PRPSAP2: variants seen among roughly 807,000 people sequenced by gnomAD.
The protein encoded by PRPSAP2 is phosphoribosyl pyrophosphate synthase-associated protein 2.
In PRPSAP2, 24 loss-of-function variants were observed where a neutral mutation model predicts 40.6. The observed-to-expected ratio is 0.59, with a 90% CI of 0.43 to 0.83. The LOEUF is 0.83. Ranked by LOEUF, PRPSAP2 falls within the 40% of genes least tolerant of loss-of-function variation. The pLI is 0.00. For missense variants in PRPSAP2, 292 were observed against 465.6 expected, an observed-to-expected ratio of 0.63 and a Z score of 3.43; for synonymous variants, 149 against 164.7, an observed-to-expected ratio of 0.90 and a Z score of 0.73.
At chr17:18,862,179 C>T (rs908180914) in intron 1 of PRPSAP2, among the ~76,000 whole-genome samples, 5 of 152,242 alleles carry the variant, frequency 3.3e-5, no homozygotes, top group African/African-American at 9.6e-5. Context: ...TGAGCCACGG[C>T]GCCTGGCCAC....
intron 8 of PRPSAP2, among the ~76,000 whole-genome samples, chr17:18,896,524 A>T (rs2039912011): frequency 6.7e-6 from 1 of 149,956 alleles, no homozygotes; most frequent in African/African-American, 2.5e-5. Context: ...CATGTTCTTT[A>T]CATGCAGGAA....
At chr17:18,908,747 A>G in intron 8 of PRPSAP2, 1 of 725,730 alleles carries the variant, frequency 1.4e-6, no homozygotes, top group Non-Finnish European at 2.5e-6. Flanking sequence ...TGCAAGAAAG[A>G]GATCGGAGAG....
intron 5 of PRPSAP2, 82 bp downstream of exon 5, chr17:18,872,731 AAG>A: frequency 1.8e-6 from 2 of 1,138,034 alleles, no homozygotes; most frequent in Non-Finnish European, 2.6e-6. Flanking sequence ...GCTAGCCAGG[AAG>A]AGTTATAATA....
At chr17:18,907,215 A>G (rs986768417) in intron 8 of PRPSAP2, among the ~76,000 whole-genome samples, 1 of 152,138 alleles carries the variant, frequency 6.6e-6, no homozygotes, top group African/African-American at 2.4e-5. Context: ...GAGGATGGAA[A>G]AAAGAGTAAG....
intron 4 of PRPSAP2, among the ~76,000 whole-genome samples, chr17:18,868,473 T>C (rs1441248686): frequency 2.0e-5 from 3 of 150,930 alleles, no homozygotes; most frequent in Admixed American, 6.6e-5. Flanking sequence ...AGCGAGACTT[T>C]GTCTCAGGGG....
At chr17:18,881,682 T>G (rs1324381889) in intron 6 of PRPSAP2, among the ~76,000 whole-genome samples, 1 of 149,382 alleles carries the variant, frequency 6.7e-6, no homozygotes, top group African/African-American at 2.5e-5. Flanking sequence ...GGACTACAGA[T>G]GTGCGCCACC....
rs1395127064 is a variant in PRPSAP2 at position 18,865,798 on chromosome 17, C to A, written c.-32-4C>A. ...AGTTTTTAATAAGTATTATATCCTTCTAGGCTCTGAAAATTGGAAAACCAA... is the reference window on the plus strand; with the variant it reads ...AGTTTTTAATAAGTATTATATCCTTATAGGCTCTGAAAATTGGAAAACCAA... On this transcript the variant is annotated splice_polypyrimidine_tract_variant and splice_region_variant and intron_variant, in intron 2 of 11. Transcript: ENST00000268835. 3 of 1,435,788 alleles carry A rather than the reference C, an allele frequency of 2.1e-6. No homozygotes were observed. Among genetic ancestry groups the A allele is most frequent in the South Asian group, 1.6e-5 (1 of 60,944 alleles). 88.9% of individuals were successfully genotyped at this position (1,435,788 alleles called of 1,614,324 possible).
intron 8 of PRPSAP2, among the ~76,000 whole-genome samples, chr17:18,890,224 C>T (rs1174808913): frequency 6.6e-6 from 1 of 151,862 alleles, no homozygotes. Context: ...AGCTGGAGTG[C>T]AGTGGCGCGA....
intron 6 of PRPSAP2, among the ~76,000 whole-genome samples, chr17:18,879,287 T>C (rs559581080): frequency 6.6e-6 from 1 of 151,904 alleles, no homozygotes; most frequent in South Asian, 2.1e-4. Context: ...TAAACCTTTT[T>C]TTTTGTTTGT....
rs1367199556 is a variant in PRPSAP2, at chr17:18,924,081, C to G, written c.804+97C>G. Reference sequence around the variant, plus strand: ...TTTTATTACAGAGACTCACTGTCGCCCAGGCTGGAGTGCAGTGGCACAATC... The same window carrying G: ...TTTTATTACAGAGACTCACTGTCGCGCAGGCTGGAGTGCAGTGGCACAATC... On this transcript the variant is annotated intron_variant, in intron 10 of 11. Transcript: ENST00000268835. The G allele has an allele frequency of 6.3e-6, 8 of 1,268,652 alleles. 1 individual carries two copies. The East Asian group carries it at 2.0e-4, about 31-fold the overall frequency. The allele number at this position is 1,268,652 out of a possible 1,614,324, so 78.6% of individuals were successfully genotyped here.
intron 1 of PRPSAP2, among the ~76,000 whole-genome samples, chr17:18,858,894 C>G (rs547940868): frequency 2.6e-5 from 4 of 152,166 alleles, no homozygotes; most frequent in South Asian, 2.1e-4. Context: ...TTTAATTGCA[C>G]AAATAGAAAT....
At chr17:18,885,885 C>T (rs2039107950) in intron 7 of PRPSAP2, among the ~76,000 whole-genome samples, 1 of 151,978 alleles carries the variant, frequency 6.6e-6, no homozygotes, top group Admixed American at 6.6e-5. Flanking sequence ...CCGCACTTGG[C>T]CTAATTTTTG....
At chr17:18,907,397 A>G (rs2040663414) in intron 8 of PRPSAP2, among the ~76,000 whole-genome samples, 1 of 152,228 alleles carries the variant, frequency 6.6e-6, no homozygotes, top group South Asian at 2.1e-4. Context: ...GTTTCAAAGT[A>G]TATGAAGCAA....
intron 6 of PRPSAP2, among the ~76,000 whole-genome samples, chr17:18,881,170 A>C (rs1050916926): frequency 1.6e-5 from 2 of 125,690 alleles, no homozygotes; most frequent in Non-Finnish European, 3.5e-5. Flanking sequence ...GGCATCTCAC[A>C]GTACTAAAAA....
At chr17:18,915,025 CTTTT>C (rs35684867) in intron 9 of PRPSAP2, among the ~76,000 whole-genome samples, 1 of 130,198 alleles carries the variant, frequency 7.7e-6, no homozygotes, top group Admixed American at 8.1e-5. Context: ...TGCACCCGAC[CTTTT>C]TTTTTTTTTT....
At chr17:18,926,108 T>A (rs1052129487) in intron 10 of PRPSAP2, among the ~76,000 whole-genome samples, 4 of 151,356 alleles carry the variant, frequency 2.6e-5, no homozygotes, top group African/African-American at 7.3e-5. Flanking sequence ...AAAAAAAAAA[T>A]AAGAAAATCT....
At chr17:18,919,757 T>C (rs1484309991) in intron 9 of PRPSAP2, among the ~76,000 whole-genome samples, 2 of 152,186 alleles carry the variant, frequency 1.3e-5, no homozygotes, top group Admixed American at 6.5e-5. Flanking sequence ...ACTTTATAGA[T>C]AAACAGGATC....
At chr17:18,918,935 T>C (rs920620479) in intron 9 of PRPSAP2, among the ~76,000 whole-genome samples, 2 of 152,230 alleles carry the variant, frequency 1.3e-5, no homozygotes, top group African/African-American at 4.8e-5. Flanking sequence ...TTTACCTTTT[T>C]TTGTGCTTTT....
Position 18,892,745 on chromosome 17 carries a change from A to AT in PRPSAP2, c.584+2875dup, listed in dbSNP as rs1555554151. 3.8e-3 allele frequency among the ~76,000 whole-genome samples: 478 copies of AT among 125,720 alleles called. 20 individuals carry two copies. Among genetic ancestry groups the AT allele is most frequent in the Middle Eastern group, 7.6e-3 (2 of 264 alleles). The allele number at this position is 125,720 out of a possible 152,430, so 82.5% of individuals were successfully genotyped here. On this transcript the variant is annotated intron_variant, in intron 8 of 11. Transcript: ENST00000268835. ...TGTGTGTGTATTTATTTATTTATTT[A>AT]TTTTTTTGAGACAGAGTCTCGCTCT...
Sources: allele counts gnomAD v4.1 joint callset (sites outside exome capture counted in the v4.1 genomes callset), GRCh38; gene constraint gnomAD v4.1.1; transcripts MANE v1.5; gene names NCBI Gene and HGNC (gene_info 2026-07-23, HGNC 2026-07-21).